Variants in NCKAP5 observed in about 807,000 individuals in gnomAD.
The protein encoded by NCKAP5 is NCK associated protein 5.
NCKAP5 carries 92 observed loss-of-function variants against 167.0 expected under a neutral mutation model. That is an observed-to-expected ratio of 0.55 (90% confidence interval 0.47 to 0.66). NCKAP5 has a LOEUF of 0.66. Among genes scored for constraint, NCKAP5 ranks in the 30% least tolerant of loss-of-function variants. The probability of loss-of-function intolerance (pLI) is 0.00; values close to 1 mark genes in which losing one functional copy is unlikely to be tolerated. For missense variants in NCKAP5, 2,378 were observed against 2,315.0 expected (o/e 1.03, Z -0.56); for synonymous variants, 891 against 877.4 (o/e 1.02, Z -0.27).
intron 4 of NCKAP5, among the ~76,000 whole-genome samples, chr2:133,219,245 C>T (rs1195828840): frequency 3.3e-5 from 5 of 152,184 alleles, no homozygotes; most frequent in African/African-American, 1.2e-4. Context: ...TCCCCAACCC[C>T]AGCCCGGCTG....
intron 6 of NCKAP5, among the ~76,000 whole-genome samples, chr2:133,108,086 C>T (rs115413114): frequency 1.3e-5 from 2 of 152,252 alleles, no homozygotes; most frequent in African/African-American, 4.8e-5. Context: ...AATAACTCTG[C>T]TAATTTAACT....
chr2:132,725,896 G>A (rs1574002476), intron 18 of NCKAP5, 137 bp from the exon 19 acceptor site: 6 of 909,866 alleles, frequency 6.6e-6, no homozygotes, highest in South Asian at 1.7e-5. Context: ...CCAGCCCGCC[G>A]CTCACCCGAG....
rs141332739 is a variant in NCKAP5, at chr2:133,224,388, C to T, written c.144-10609G>A. On this transcript the variant is annotated intron_variant, in intron 4 of 19. Transcript: ENST00000409261. ...CTTGAGGCAAGATTACAAACGCCTT[C>T]GCTCATATTCAATATCAGAAACTAA... 2.4e-4 allele frequency among the ~76,000 whole-genome samples: 36 copies of T among 152,292 alleles called. No homozygotes were observed. The East Asian group carries it at 6.4e-3, about 27-fold the overall frequency.
chr2:133,663,243 G>A, the NCKAP5 span, among the ~76,000 whole-genome samples: 1 of 149,778 alleles, frequency 6.7e-6, no homozygotes, highest in African/African-American at 2.5e-5. Context: ...TCCGCAGTCC[G>A]GCCTGGGCGG....
At chr2:132,714,517 G>T (rs1431418268) in intron 19 of NCKAP5, among the ~76,000 whole-genome samples, 1 of 152,100 alleles carries the variant, frequency 6.6e-6, no homozygotes, top group African/African-American at 2.4e-5. Context: ...ATTTATCTAG[G>T]ATCAAAAAGT....
intron 3 of NCKAP5, among the ~76,000 whole-genome samples, chr2:133,464,869 A>C (rs1692445448): frequency 6.6e-6 from 1 of 150,944 alleles, no homozygotes; most frequent in South Asian, 2.1e-4. Flanking sequence ...ACTCCTCATC[A>C]CTTGCCAACG....
rs991203502 is a variant in NCKAP5 at position 132,928,597 on chromosome 2, C to T, written c.579+35123G>A. On this transcript the variant is annotated intron_variant, in intron 8 of 19. Transcript: ENST00000409261. Reference sequence around the variant, plus strand: ...AAGGCAGTCATGTTAACATCTAAACCTTATTAAAGTTTCATCTTCTTTTAA... The same window carrying T: ...AAGGCAGTCATGTTAACATCTAAACTTTATTAAAGTTTCATCTTCTTTTAA... Among the ~76,000 whole-genome samples the T allele has an allele frequency of 5.9e-5, 9 of 152,236 alleles. No homozygotes were observed. In the South Asian group the frequency reaches 1.9e-3, roughly 32 times the overall value.
chr2:132,743,134 G>A (rs536970446), intron 16 of NCKAP5, among the ~76,000 whole-genome samples: 1 of 151,886 alleles, frequency 6.6e-6, no homozygotes, highest in African/African-American at 2.4e-5. Context: ...CACAGAATTT[G>A]ATCTCTGAAT....
chr2:132,971,274 T>C (rs1401763095), intron 7 of NCKAP5, among the ~76,000 whole-genome samples: 1 of 152,026 alleles, frequency 6.6e-6, no homozygotes, highest in Non-Finnish European at 1.5e-5. Context: ...TTTCCCAGAA[T>C]GAGGTGAGAT....
chr2:132,781,835 GAAAA>G (rs1683056491), intron 14 of NCKAP5, 101 bp downstream of exon 14: 1 of 1,083,122 alleles, frequency 9.2e-7, no homozygotes, highest in Non-Finnish European at 1.3e-6. Context: ...CTGCCTGTAT[GAAAA>G]AACATGCTTG....
intron 4 of NCKAP5, among the ~76,000 whole-genome samples, chr2:133,219,173 C>T (rs561365131): frequency 6.6e-6 from 1 of 152,280 alleles, no homozygotes; most frequent in African/African-American, 2.4e-5. Context: ...CAAACAGCCA[C>T]GTGGAAACAG....
the NCKAP5 span, among the ~76,000 whole-genome samples, chr2:133,611,450 T>TATC: frequency 6.6e-6 from 1 of 152,230 alleles, no homozygotes; most frequent in Non-Finnish European, 1.5e-5. Context: ...TCTACCAGGA[T>TATC]GACAGGTTCA....
At chr2:133,454,625 TGA>T (rs1691736630) in intron 3 of NCKAP5, among the ~76,000 whole-genome samples, 2 of 152,090 alleles carry the variant, frequency 1.3e-5, no homozygotes, top group Non-Finnish European at 2.9e-5. Context: ...TTGACATGGC[TGA>T]GATTTTAAAA....
intron 4 of NCKAP5, among the ~76,000 whole-genome samples, chr2:133,215,728 C>G (rs2086399891): frequency 6.6e-6 from 1 of 152,114 alleles, no homozygotes; most frequent in South Asian, 2.1e-4. Context: ...AATGTATATA[C>G]TTTATTTCCT....
intron 5 of NCKAP5, among the ~76,000 whole-genome samples, chr2:133,179,579 A>G (rs558107888): frequency 6.6e-6 from 1 of 152,346 alleles, no homozygotes; most frequent in African/African-American, 2.4e-5. Context: ...GCTTCAATGA[A>G]TAGTAATGAA....
intron 3 of NCKAP5, among the ~76,000 whole-genome samples, chr2:133,433,196 G>A (rs142104541): frequency 5.5e-4 from 84 of 152,204 alleles, no homozygotes; most frequent in Non-Finnish European, 8.1e-4. Flanking sequence ...ACTTTAATGT[G>A]GTAAATTGGA....
intron 3 of NCKAP5, among the ~76,000 whole-genome samples, chr2:133,403,427 C>T (rs1297050412): frequency 6.6e-6 from 1 of 152,110 alleles, no homozygotes; most frequent in Non-Finnish European, 1.5e-5. Flanking sequence ...CAAGTAATTT[C>T]TTATAGGTTT....
intron 8 of NCKAP5, among the ~76,000 whole-genome samples, chr2:132,901,398 T>C (rs751310204): frequency 2.0e-5 from 3 of 152,222 alleles, no homozygotes; most frequent in Non-Finnish European, 4.4e-5. Context: ...ATCAGACAAC[T>C]GCTCTAGTGT....
intron 4 of NCKAP5, among the ~76,000 whole-genome samples, chr2:133,214,445 C>G (rs2086343436): frequency 6.6e-6 from 1 of 152,134 alleles, no homozygotes; most frequent in Non-Finnish European, 1.5e-5. Flanking sequence ...GTCTGCTTAT[C>G]ATTTCTTCAG....
Sources: allele counts gnomAD v4.1 joint callset (sites outside exome capture counted in the v4.1 genomes callset), GRCh38; gene constraint gnomAD v4.1.1; transcripts MANE v1.5; gene names NCBI Gene and HGNC (gene_info 2026-07-23, HGNC 2026-07-21).